Variants in ARIH1 observed in about 807,000 individuals in gnomAD.
ARIH1 encodes the protein ariadne RBR E3 ubiquitin protein ligase 1, also known as E3 ubiquitin-protein ligase ARIH1.
A neutral mutation model predicts 85.0 loss-of-function variants in ARIH1; 8 were observed. The ratio of observed to expected loss-of-function variants is 0.09; its 90% CI spans 0.06 to 0.17. ARIH1 has a LOEUF of 0.17. ARIH1 is among the 10% of genes least tolerant of loss of function. The probability of loss-of-function intolerance (pLI) is 1.00; values close to 1 mark genes in which losing one functional copy is unlikely to be tolerated. For synonymous variants in ARIH1, 238 were observed against 253.6 expected (o/e 0.94, Z 0.59); for missense variants, 311 against 718.1 (o/e 0.43, Z 6.48).
intron 1 of ARIH1, among the ~76,000 whole-genome samples, chr15:72,506,977 T>G (rs1232454276): frequency 3.7e-5 from 5 of 136,778 alleles, no homozygotes; most frequent in African/African-American, 1.3e-4. Flanking sequence ...GTTGTGATTA[T>G]TTTTATGTAT....
At chr15:72,521,240 A>G (rs1595859990) in intron 2 of ARIH1, among the ~76,000 whole-genome samples, 2 of 112,468 alleles carry the variant, frequency 1.8e-5, no homozygotes, top group South Asian at 6.4e-4. Context: ...CTTTTTGCAT[A>G]CCACTATTTT....
At chr15:72,570,108 G>A (rs1250306332) in intron 9 of ARIH1, 69 bp from the exon 10 acceptor site, 14 of 1,548,494 alleles carry the variant, frequency 9.0e-6, no homozygotes, top group Non-Finnish European at 1.1e-5. Context: ...TCTAGAACTG[G>A]CTTTTCCTTA....
intron 2 of ARIH1, among the ~76,000 whole-genome samples, chr15:72,540,339 G>A (rs1261615195): frequency 6.6e-6 from 1 of 150,738 alleles, no homozygotes; most frequent in Non-Finnish European, 1.5e-5. Context: ...AGGAAGTTCT[G>A]ACCAAAACCA....
Position 72,585,409 on chromosome 15 carries a change from G to C in ARIH1, c.*2117G>C, listed in dbSNP as rs1235999943. ...TAAAAAGATATACATTAAAACTAAG[G>C]AGTTTTTTTAAAGAAAGCCTGAATA... is the stretch of plus-strand genomic sequence containing the variant. On this transcript the variant is annotated 3_prime_UTR_variant, in exon 14 of 14. Transcript: ENST00000379887. The C allele has an allele frequency of 6.6e-6, 1 of 151,914 alleles. No individual in the cohort carries two copies. Among genetic ancestry groups the C allele is most frequent in the Non-Finnish European group, 1.5e-5 (1 of 67,992 alleles). 9.4% of individuals were successfully genotyped at this position (151,914 alleles called of 1,614,324 possible).
rs541154080 is a variant in ARIH1 at position 72,497,827 on chromosome 15, A to G, written c.376-20240A>G. ...AGATTGTTGGGTTTTCAAACCAGCA[A>G]TCTTAGCTGTAAAACCTAAGATCTT... is the stretch of plus-strand genomic sequence containing the variant. On this transcript the variant is annotated intron_variant, in intron 1 of 13. Transcript: ENST00000379887. Among the ~76,000 whole-genome samples the G allele has an allele frequency of 4.6e-5, 7 of 152,288 alleles. No homozygotes were observed. In the East Asian group the frequency reaches 1.3e-3, roughly 29 times the overall value.
At position 72,497,753 on chromosome 15, in the gene ARIH1, G is replaced by C. The variant is rs1030793040; in HGVS notation, c.376-20314G>C. ...ATAGGTTAGTAGAGTGCTTCTCAAG[G>C]CTTCCCAAATGAAAAGTCAGACAAA... On this transcript the variant is annotated intron_variant, in intron 1 of 13. Transcript: ENST00000379887. 5.9e-5 allele frequency among the ~76,000 whole-genome samples: 9 copies of C among 152,244 alleles called. No homozygotes were observed. The South Asian group carries it at 1.5e-3, about 25-fold the overall frequency.
intron 9 of ARIH1, among the ~76,000 whole-genome samples, chr15:72,569,175 G>A (rs1370944835): frequency 2.0e-5 from 3 of 152,068 alleles, no homozygotes; most frequent in African/African-American, 7.2e-5. Context: ...CGAGCATGGT[G>A]GCATGCACCT....
intron 3 of ARIH1, among the ~76,000 whole-genome samples, chr15:72,547,240 C>T (rs1031583241): frequency 1.9e-3 from 274 of 146,958 alleles, no homozygotes; most frequent in African/African-American, 6.6e-3. Flanking sequence ...TTCCTTTTCT[C>T]TTTTTTTTTT....
At position 72,594,159 on chromosome 15, in the gene ARIH1, C is replaced by CTTTTTCTT. The variant is rs774880844; in HGVS notation, c.*10881_*10888dup. On this transcript the variant is annotated 3_prime_UTR_variant, in exon 14 of 14. Coordinates refer to ENST00000379887, the MANE Select transcript of ARIH1 (RefSeq NM_005744.5). The stretch of plus-strand genomic sequence containing the variant: ...TTTAAAATATTTTTGATTTTCTTTT[C>CTTTTTCTT]TTTTTCTTTTTTTCTTTTTTTTTTT... 2.7e-5 allele frequency: 4 copies of CTTTTTCTT among 149,788 alleles called. No individual in the cohort carries two copies. Among genetic ancestry groups the CTTTTTCTT allele is most frequent in the Non-Finnish European group, 4.4e-5 (3 of 67,482 alleles). The allele number at this position is 149,788 out of a possible 1,614,324, so 9.3% of individuals were successfully genotyped here.
At chr15:72,540,508 C>G (rs963181663) in intron 2 of ARIH1, among the ~76,000 whole-genome samples, 2 of 151,916 alleles carry the variant, frequency 1.3e-5, no homozygotes, top group East Asian at 1.9e-4. Context: ...AAATACAGAT[C>G]AGAACAAATA....
rs1356937550 is a variant in ARIH1, at chr15:72,602,130, A to G, written c.*18838A>G. ...CATTGGTTATTACAAATAATGCTGC[A>G]TTGAATACCTTTGTATGTAAAGTCA... On this transcript the variant is annotated 3_prime_UTR_variant, in exon 14 of 14. Coordinates refer to ENST00000379887, the MANE Select transcript of ARIH1 (RefSeq NM_005744.5). 6.6e-6 allele frequency: 1 copy of G among 152,230 alleles called. No homozygotes were observed. Among genetic ancestry groups the G allele is most frequent in the Non-Finnish European group, 1.5e-5 (1 of 68,034 alleles). 9.4% of individuals were successfully genotyped at this position (152,230 alleles called of 1,614,324 possible).
At chr15:72,532,451 G>A (rs566939762) in intron 2 of ARIH1, among the ~76,000 whole-genome samples, 1 of 152,092 alleles carries the variant, frequency 6.6e-6, no homozygotes, top group Non-Finnish European at 1.5e-5. Context: ...TTCTTATAAA[G>A]AAAAGTTGAA....
rs553250874 is a variant in ARIH1, at chr15:72,511,927, T to C, written c.376-6140T>C. Among the ~76,000 whole-genome samples the C allele has an allele frequency of 1.5e-4, 22 of 151,370 alleles. No homozygotes were observed. In the East Asian group the frequency reaches 3.7e-3, roughly 25 times the overall value. On this transcript the variant is annotated intron_variant, in intron 1 of 13. Transcript: ENST00000379887. ...TGTCAAATGCTTTATTTATATCCTA[T>C]CCTGTGACTTTTCTTCATTAGGCTT...
At chr15:72,525,972 A>T (rs1595861445) in intron 2 of ARIH1, among the ~76,000 whole-genome samples, 1 of 152,232 alleles carries the variant, frequency 6.6e-6, no homozygotes, top group South Asian at 2.1e-4. Flanking sequence ...AATTGAGGTT[A>T]CCCATATGGT....
chr15:72,492,538 A>G (rs188129290), intron 1 of ARIH1, among the ~76,000 whole-genome samples: 1 of 152,356 alleles, frequency 6.6e-6, no homozygotes, highest in Admixed American at 6.5e-5. Context: ...ATGAAGGGGA[A>G]AACTTAGGGA....
chr15:72,569,106 T>C (rs2064232830), intron 9 of ARIH1, among the ~76,000 whole-genome samples: 1 of 152,004 alleles, frequency 6.6e-6, no homozygotes, highest in Non-Finnish European at 1.5e-5. Flanking sequence ...CTTGAGAGAT[T>C]GAGACCAACC....
rs548317896 is a variant in ARIH1 at position 72,564,305 on chromosome 15, G to T, written c.911+805G>T. Among the ~76,000 whole-genome samples the T allele has an allele frequency of 7.2e-5, 11 of 152,268 alleles. No homozygotes were observed. In the South Asian group the frequency reaches 2.3e-3, roughly 32 times the overall value. On this transcript the variant is annotated intron_variant, in intron 7 of 13. Transcript: ENST00000379887. ...AACTTCTTTGCCACTTTATAGCAAG[G>T]ATGGCCTTTCCTCTAGTTTCTAACA...
intron 11 of ARIH1, among the ~76,000 whole-genome samples, chr15:72,574,564 A>G (rs1420589895): frequency 6.6e-6 from 1 of 152,230 alleles, no homozygotes; most frequent in African/African-American, 2.4e-5. Context: ...TTGACTCATT[A>G]TATTGTACCA....
chr15:72,592,371 G>A lies in ARIH1; in HGVS notation c.*9079G>A, dbSNP rs531803563. ...AGAGATAATAGGCCAGTAAAGAGTG[G>A]GAGACAAACACTCCTGGAATAGGAA... On this transcript the variant is annotated 3_prime_UTR_variant, in exon 14 of 14. Transcript: ENST00000379887. 11 of 152,184 alleles carry A rather than the reference G, an allele frequency of 7.2e-5. No homozygotes were observed. Among genetic ancestry groups the A allele is most frequent in the Middle Eastern group, 3.4e-3 (1 of 294 alleles). The allele number at this position is 152,184 out of a possible 1,614,324, so 9.4% of individuals were successfully genotyped here.
Sources: allele counts gnomAD v4.1 joint callset (sites outside exome capture counted in the v4.1 genomes callset), GRCh38; gene constraint gnomAD v4.1.1; transcripts MANE v1.5; gene names NCBI Gene and HGNC (gene_info 2026-07-23, HGNC 2026-07-21).